Variants in SAMD4A observed in about 807,000 individuals in gnomAD.
SAMD4A encodes protein Smaug homolog 1.
A neutral mutation model predicts 81.3 loss-of-function variants in SAMD4A; 33 were observed. That is an observed-to-expected ratio of 0.41 (90% CI 0.31 to 0.54). SAMD4A has a LOEUF of 0.54. Ranked by LOEUF, SAMD4A falls within the 20% of genes least tolerant of loss-of-function variation. The probability of loss-of-function intolerance (pLI) is 0.37; values close to 1 mark genes in which losing one functional copy is unlikely to be tolerated. For missense variants in SAMD4A, 854 were observed against 951.1 expected (o/e 0.90, Z 1.34); for synonymous variants, 389 against 382.1 (o/e 1.02, Z -0.21).
At chr14:54,766,555 GA>G (rs1566628422) in intron 8 of SAMD4A, among the ~76,000 whole-genome samples, 3 of 152,186 alleles carry the variant, frequency 2.0e-5, no homozygotes, top group Non-Finnish European at 4.4e-5. Context: ...AAAGGCAAGC[GA>G]GAGTCCTGGT....
At chr14:54,746,460 G>C (rs1594890255) in intron 4 of SAMD4A, among the ~76,000 whole-genome samples, 1 of 152,300 alleles carries the variant, frequency 6.6e-6, no homozygotes, top group East Asian at 1.9e-4. Flanking sequence ...ACTACTCCCA[G>C]TGTTTTGACT....
intron 3 of SAMD4A, among the ~76,000 whole-genome samples, chr14:54,719,820 G>T (rs1009744734): frequency 4.6e-5 from 7 of 152,154 alleles, no homozygotes; most frequent in Non-Finnish European, 8.8e-5. Context: ...TCCTCTCTGG[G>T]TTTACATACA....
At chr14:54,565,910 CTCCCCTTTT>C (rs943618024), upstream of SAMD4A, among the ~76,000 whole-genome samples, 3 of 152,002 alleles carry the variant, frequency 2.0e-5, no homozygotes, top group African/African-American at 7.2e-5. The surrounding 1 kb of genome is among the most constrained non-coding windows in gnomAD (Gnocchi z 5.4). Flanking sequence ...CTCCGCTCCC[CTCCCCTTTT>C]TCTGGTCCCC....
chr14:54,630,955 T>A (rs76765701), intron 2 of SAMD4A, among the ~76,000 whole-genome samples: 1,507 of 133,868 alleles, frequency 0.011, 21 homozygotes, highest in African/African-American at 0.039. Flanking sequence ...TGTGTGTGTG[T>A]GATGAGAAAT....
intron 2 of SAMD4A, among the ~76,000 whole-genome samples, chr14:54,580,344 C>T (rs888508688): frequency 6.6e-6 from 1 of 152,212 alleles, no homozygotes; most frequent in African/African-American, 2.4e-5. Flanking sequence ...TCCCCCACCC[C>T]TTTCTGTTTC....
intron 2 of SAMD4A, among the ~76,000 whole-genome samples, chr14:54,598,446 A>G (rs2033969302): frequency 6.6e-6 from 1 of 152,230 alleles, no homozygotes; most frequent in Admixed American, 6.5e-5. Context: ...ACTGTGTAAT[A>G]GCTAATCCTA....
chr14:54,672,620 A>AT (rs1465821402), intron 2 of SAMD4A, among the ~76,000 whole-genome samples: 2 of 152,110 alleles, frequency 1.3e-5, no homozygotes, highest in African/African-American at 4.8e-5. Flanking sequence ...GTTATCATGA[A>AT]TTTTTTTTAA....
At chr14:54,596,886 G>A (rs952117915) in intron 2 of SAMD4A, among the ~76,000 whole-genome samples, 2 of 152,182 alleles carry the variant, frequency 1.3e-5, no homozygotes, top group Non-Finnish European at 2.9e-5. Flanking sequence ...CCAGCCGGGA[G>A]AGAAAAGCTT....
intron 2 of SAMD4A, among the ~76,000 whole-genome samples, chr14:54,613,187 AGGAAGGAAAG>A (rs1396373146): frequency 5.9e-5 from 9 of 151,866 alleles, no homozygotes; most frequent in African/African-American, 1.5e-4. Flanking sequence ...AAGGAAGAGA[AGGAAGGAAAG>A]GGAAGGAAAG....
At chr14:54,681,201 CAACCGTGTGTCACTTCA>C (rs2036119777) in intron 2 of SAMD4A, among the ~76,000 whole-genome samples, 1 of 151,310 alleles carries the variant, frequency 6.6e-6, no homozygotes. Flanking sequence ...CCCAACCCCC[CAACCGTGTGTCACTTCA>C]CCACGATGAG....
At position 54,737,051 on chromosome 14, in the gene SAMD4A, C is replaced by T. The variant is rs1317426483; in HGVS notation, c.743C>T (p.Pro248Leu). The T allele has an allele frequency of 6.2e-7, 1 of 1,613,956 alleles. No homozygotes were observed. Among genetic ancestry groups the T allele is most frequent in the Admixed American group, 1.7e-5 (1 of 60,006 alleles). The change falls in exon 4 of 13, where the codon CCT becomes CTT. Residue 248 changes from proline to leucine, a missense_variant. Physicochemically the swap from Pro to Leu is moderately conservative, Grantham distance 98. Transcript: ENST00000554335. Reference sequence around the variant, plus strand: ...CTCTCAGGCCAGGCACACCACAGCCCTTTGAAACGATCTGTGTCCCTTACC... The same window carrying T: ...CTCTCAGGCCAGGCACACCACAGCCTTTTGAAACGATCTGTGTCCCTTACC... Reference protein sequence around the residue: ...TILSGQAHHSPLKRSVSLTPP... With the variant: ...TILSGQAHHSLLKRSVSLTPP...
chr14:54,684,767 C>G (rs956384681), intron 2 of SAMD4A, among the ~76,000 whole-genome samples: 2 of 152,244 alleles, frequency 1.3e-5, no homozygotes, highest in Non-Finnish European at 2.9e-5. Context: ...GTGGTGGCAT[C>G]TTTTTATTCT....
chr14:54,714,943 A>G (rs1273824601), intron 3 of SAMD4A, among the ~76,000 whole-genome samples: 2 of 152,172 alleles, frequency 1.3e-5, no homozygotes, highest in East Asian at 1.9e-4. Flanking sequence ...AGTGATATAT[A>G]TTACTAAATA....
chr14:54,656,344 G>T (rs1434933787), intron 2 of SAMD4A, among the ~76,000 whole-genome samples: 1 of 152,202 alleles, frequency 6.6e-6, no homozygotes, highest in South Asian at 2.1e-4. Flanking sequence ...ACCATCAAAG[G>T]CTTCTCTCTC....
At chr14:54,655,423 CAT>C (rs781071993) in intron 2 of SAMD4A, among the ~76,000 whole-genome samples, 5 of 152,158 alleles carry the variant, frequency 3.3e-5, no homozygotes, top group Non-Finnish European at 4.4e-5. Context: ...GACATTAAAA[CAT>C]AGTGGTTAAG....
In SAMD4A at chr14:54,766,288, A is replaced by G. The variant is rs577860715; in HGVS notation, c.1596+1748A>G. 5.3e-5 allele frequency among the ~76,000 whole-genome samples: 8 copies of G among 152,132 alleles called. No individual in the cohort carries two copies. The South Asian group carries it at 1.7e-3, about 32-fold the overall frequency. ...AAGAGAAAGCAAGAACACAGTGAAG[A>G]ATGTTACAACTCGTCCATTCCCTAG... On this transcript the variant is annotated intron_variant, in intron 8 of 12. Transcript: ENST00000554335.
intron 2 of SAMD4A, among the ~76,000 whole-genome samples, chr14:54,624,088 GTC>G (rs1270302279): frequency 5.3e-5 from 8 of 152,054 alleles, no homozygotes; most frequent in Non-Finnish European, 4.4e-5. Flanking sequence ...CGATTCACTT[GTC>G]TCAGCCTCCC....
rs562813278 is a variant in SAMD4A at position 54,636,897 on chromosome 14, G to A, written c.197-65165G>A. On this transcript the variant is annotated intron_variant, in intron 2 of 12. Transcript: ENST00000554335. ...CTCCAAGTCCCATTGTTGAATAGGC[G>A]GTTGGATATATAAGTCTGGAATTTA... is the stretch of plus-strand genomic sequence containing the variant. Among the ~76,000 whole-genome samples the A allele has an allele frequency of 5.9e-5, 9 of 152,196 alleles. No individual in the cohort carries two copies. In the East Asian group the frequency reaches 1.2e-3, roughly 20 times the overall value.
At chr14:54,777,460 A>G (rs1430399670) in intron 11 of SAMD4A, among the ~76,000 whole-genome samples, 1 of 152,216 alleles carries the variant, frequency 6.6e-6, no homozygotes, top group African/African-American at 2.4e-5. Flanking sequence ...AAGGTCCAGA[A>G]TACCACAGCA....
Sources: gnomAD v4.1 joint callset for allele counts (sites outside exome capture counted in the v4.1 genomes callset) on GRCh38, gnomAD v4.1.1 for gene constraint, Gnocchi (gnomAD v3.1) non-coding constraint, MANE v1.5 for transcripts, NCBI Gene and HGNC (gene_info 2026-07-23, HGNC 2026-07-21) for gene names.